Variants in MAPK4 observed in about 807,000 individuals in gnomAD.
MAPK4 encodes mitogen-activated protein kinase 4, also known as Erk3-related.
MAPK4 carries 22 observed loss-of-function variants against 47.7 expected under a neutral mutation model. That is an observed-to-expected ratio of 0.46 (90% CI 0.33 to 0.66). The LOEUF (loss-of-function observed/expected upper bound fraction) is 0.66. MAPK4 is among the 30% of genes least tolerant of loss of function. The pLI is 0.02. For synonymous variants in MAPK4, 390 were observed against 365.7 expected, an observed-to-expected ratio of 1.07 and a Z score of -0.76; for missense variants, 736 against 831.7, an observed-to-expected ratio of 0.88 and a Z score of 1.42.
chr18:50,690,400 A>G (rs1299212535), intron 2 of MAPK4, among the ~76,000 whole-genome samples: 1 of 152,246 alleles, frequency 6.6e-6, no homozygotes, highest in African/African-American at 2.4e-5. Context: ...TCTTACTACT[A>G]ACAGCTCAAT....
At chr18:50,633,794 G>A (rs1166869491) in intron 1 of MAPK4, among the ~76,000 whole-genome samples, 2 of 152,164 alleles carry the variant, frequency 1.3e-5, no homozygotes, top group Non-Finnish European at 2.9e-5. Context: ...ATGAGCTGCC[G>A]TGTGTCGGTT....
intron 1 of MAPK4, among the ~76,000 whole-genome samples, chr18:50,623,839 A>G (rs1292649028): frequency 6.6e-6 from 1 of 152,094 alleles, no homozygotes; most frequent in Non-Finnish European, 1.5e-5. Context: ...CTCATCCCCA[A>G]CCCTGCCCTT....
chr18:50,705,392 C>T (rs1281999125), intron 2 of MAPK4: 1 of 152,240 alleles, frequency 6.6e-6, no homozygotes, highest in Non-Finnish European at 1.5e-5. Context: ...ATGAAGGGGT[C>T]CAGGAGGCTG....
rs151008631 is a variant in MAPK4, at chr18:50,703,272, C to G, written c.547-11807C>G. Reference sequence around the variant, plus strand: ...CTCAGTGCTACTCATTCAGCAGGCACCTCCTTCCTCCAGTAACCTGCACTC... The same window carrying G: ...CTCAGTGCTACTCATTCAGCAGGCAGCTCCTTCCTCCAGTAACCTGCACTC... On this transcript the variant is annotated intron_variant, in intron 2 of 5. Transcript: ENST00000400384. Among the ~76,000 whole-genome samples, 16 of 152,332 alleles carry G rather than the reference C, an allele frequency of 1.1e-4. No individual in the cohort carries two copies. The East Asian group carries it at 3.1e-3, about 29-fold the overall frequency.
intron 1 of MAPK4, among the ~76,000 whole-genome samples, chr18:50,576,220 T>C (rs886176212): frequency 3.3e-5 from 5 of 151,968 alleles, no homozygotes; most frequent in Non-Finnish European, 1.5e-5. Flanking sequence ...CTATTCACAA[T>C]AGCAAAAAAT....
chr18:50,573,341 A>C (rs2042266143), intron 1 of MAPK4, among the ~76,000 whole-genome samples: 1 of 152,132 alleles, frequency 6.6e-6, no homozygotes, highest in Non-Finnish European at 1.5e-5. Flanking sequence ...GGAGGAGAGC[A>C]GTGGGCAAGC....
intron 1 of MAPK4, among the ~76,000 whole-genome samples, chr18:50,606,393 C>CAAA (rs1248481447): frequency 6.6e-6 from 1 of 150,380 alleles, no homozygotes; most frequent in African/African-American, 2.5e-5. Flanking sequence ...GTTGCCTGTT[C>CAAA]AAAGTAGTGC....
chr18:50,691,821 A>C (rs190964841), intron 2 of MAPK4, among the ~76,000 whole-genome samples: 25 of 152,300 alleles, frequency 1.6e-4, no homozygotes, highest in African/African-American at 6.0e-4. Flanking sequence ...AAGTATCGGC[A>C]GCCAGGACTG....
intron 1 of MAPK4, among the ~76,000 whole-genome samples, chr18:50,623,966 G>A (rs1248516104): frequency 1.3e-5 from 2 of 152,242 alleles, no homozygotes; most frequent in African/African-American, 4.8e-5. Context: ...CTACATGGGT[G>A]GCCCCTTCTT....
intron 1 of MAPK4, among the ~76,000 whole-genome samples, chr18:50,620,199 G>A (rs562660453): frequency 1.3e-5 from 2 of 152,164 alleles, no homozygotes; most frequent in East Asian, 3.8e-4. Context: ...TTCAAAAGGG[G>A]CCATAATGAC....
At chr18:50,677,770 G>A (rs777785085) in intron 2 of MAPK4, among the ~76,000 whole-genome samples, 43 of 152,080 alleles carry the variant, frequency 2.8e-4, no homozygotes, top group Non-Finnish European at 4.3e-4. Context: ...GCTCAGGCTG[G>A]TCTCAAACTC....
At chr18:50,724,043 C>T (rs1568099092) in intron 4 of MAPK4, among the ~76,000 whole-genome samples, 1 of 152,022 alleles carries the variant, frequency 6.6e-6, no homozygotes, top group Non-Finnish European at 1.5e-5. Context: ...GACAGGGTCT[C>T]ACTTGTCACC....
chr18:50,691,281 A>G (rs1482852760), intron 2 of MAPK4, among the ~76,000 whole-genome samples: 1 of 152,114 alleles, frequency 6.6e-6, no homozygotes, highest in Non-Finnish European at 1.5e-5. Flanking sequence ...GGTGTGAGCC[A>G]CCACACCCGG....
intron 2 of MAPK4, among the ~76,000 whole-genome samples, chr18:50,709,656 C>T (rs1483482788): frequency 6.6e-6 from 1 of 152,162 alleles, no homozygotes; most frequent in African/African-American, 2.4e-5. Flanking sequence ...CTTGTGAATT[C>T]ACAAGCATGT....
intron 5 of MAPK4, 31 bp from the exon 6 acceptor site, chr18:50,729,127 T>C: frequency 6.6e-7 from 1 of 1,514,344 alleles, no homozygotes; most frequent in African/African-American, 1.4e-5. Flanking sequence ...GGCTTGGGCA[T>C]CCAATCACCG....
chr18:50,685,710 C>A (rs1908842500), intron 2 of MAPK4, among the ~76,000 whole-genome samples: 1 of 152,226 alleles, frequency 6.6e-6, no homozygotes, highest in African/African-American at 2.4e-5. Flanking sequence ...ACCAGAATGA[C>A]CTGCATCCTT....
intron 2 of MAPK4, among the ~76,000 whole-genome samples, chr18:50,688,191 C>T (rs1243964854): frequency 6.6e-6 from 1 of 152,086 alleles, no homozygotes; most frequent in African/African-American, 2.4e-5. Flanking sequence ...ATGGAGATTG[C>T]AAAAGCTCTC....
intron 1 of MAPK4, among the ~76,000 whole-genome samples, chr18:50,639,157 A>C (rs977677870): frequency 5.9e-5 from 9 of 152,188 alleles, no homozygotes; most frequent in African/African-American, 1.9e-4. Context: ...AAACACAGCT[A>C]AACCTTGGCC....
chr18:50,576,426 G>A (rs2042297748), intron 1 of MAPK4, among the ~76,000 whole-genome samples: 2 of 152,080 alleles, frequency 1.3e-5, no homozygotes, highest in Non-Finnish European at 2.9e-5. Context: ...ACATATAATG[G>A]GAGCCAAACA....
Sources: gnomAD v4.1 joint callset for allele counts (sites outside exome capture counted in the v4.1 genomes callset) on GRCh38, gnomAD v4.1.1 for gene constraint, MANE v1.5 for transcripts, NCBI Gene and HGNC (gene_info 2026-07-23, HGNC 2026-07-21) for gene names.